The following GUCY2F variants were observed in gnomAD, a reference collection of about 807,000 sequenced individuals.
The protein encoded by GUCY2F is guanylate cyclase 2F, retinal.
A neutral mutation model predicts 73.1 loss-of-function variants in GUCY2F; 61 were observed. That is an observed-to-expected ratio of 0.83 (90% CI 0.68 to 1.03). GUCY2F has a LOEUF of 1.03. Among genes scored for constraint, GUCY2F ranks in the 50% least tolerant of loss-of-function variants. The pLI, the probability that GUCY2F is intolerant of heterozygous loss-of-function variation, is 0.00. For missense variants in GUCY2F, 912 were observed against 854.3 expected, an observed-to-expected ratio of 1.07 and a Z score of -0.84; for synonymous variants, 331 against 307.8, an observed-to-expected ratio of 1.08 and a Z score of -0.79.
intron 10 of GUCY2F, among the ~76,000 whole-genome samples, chrX:109,402,038 G>A (rs1482737397): frequency 9.0e-6 from 1 of 111,623 alleles, no homozygotes; most frequent in Non-Finnish European, 1.9e-5. Context: ...AAAGGAATTT[G>A]ATCTTTATCC....
intron 3 of GUCY2F, among the ~76,000 whole-genome samples, chrX:109,462,258 G>A (rs188191583): frequency 8.8e-6 from 1 of 113,220 alleles, no homozygotes; most frequent in African/African-American, 3.2e-5. Flanking sequence ...AAATGTCTAA[G>A]TAACTTGCCG....
At chrX:109,405,220 GT>G (rs1439121643) in intron 9 of GUCY2F, among the ~76,000 whole-genome samples, 56 of 112,253 alleles carry the variant, frequency 5.0e-4, no homozygotes, top group Non-Finnish European at 8.8e-4. Flanking sequence ...AAAGTCATCT[GT>G]AATGCATATA....
chrX:109,465,928 C>A (rs1261236484), intron 2 of GUCY2F, among the ~76,000 whole-genome samples: 1 of 111,824 alleles, frequency 8.9e-6, no homozygotes, highest in Non-Finnish European at 1.9e-5. Context: ...CTACTATATA[C>A]CTAAGAATTA....
intron 1 of GUCY2F, among the ~76,000 whole-genome samples, chrX:109,479,146 G>A (rs1392499016): frequency 9.0e-6 from 1 of 111,386 alleles, no homozygotes; most frequent in Non-Finnish European, 1.9e-5. Flanking sequence ...CACAGCTGGG[G>A]GTGGGGAGCA....
intron 3 of GUCY2F, among the ~76,000 whole-genome samples, chrX:109,455,689 T>C (rs1322389066): frequency 9.0e-6 from 1 of 111,428 alleles, no homozygotes; most frequent in Non-Finnish European, 1.9e-5. Context: ...AGCTCAGTCC[T>C]TGGTCCTCTT....
chrX:109,447,231 T>C (rs753349459), intron 6 of GUCY2F, among the ~76,000 whole-genome samples: 1 of 111,395 alleles, frequency 9.0e-6, no homozygotes, highest in South Asian at 3.8e-4. Flanking sequence ...TCCTCAAGGA[T>C]CTAGAACTAG....
At chrX:109,476,872 C>CAT (rs1385295261) in intron 1 of GUCY2F, among the ~76,000 whole-genome samples, 3 of 109,122 alleles carry the variant, frequency 2.7e-5, no homozygotes, top group Non-Finnish European at 5.7e-5. Flanking sequence ...TGTGTGTATA[C>CAT]ATATATATAT....
At chrX:109,481,094 GGAAGGAAGGA>G (rs1226262277) in intron 1 of GUCY2F, among the ~76,000 whole-genome samples, 51 of 80,090 alleles carry the variant, frequency 6.4e-4, no homozygotes, top group African/African-American at 2.4e-3. Context: ...AAGGAAGGAA[GGAAGGAAGGA>G]AGGGAGGGAG....
At chrX:109,454,112 A>G (rs1055449899) in intron 3 of GUCY2F, among the ~76,000 whole-genome samples, 13 of 111,914 alleles carry the variant, frequency 1.2e-4, no homozygotes, top group Non-Finnish European at 2.1e-4. Context: ...CAAGTCATAC[A>G]TAATATATTT....
chrX:109,388,011 A>G (rs1569355527), intron 15 of GUCY2F, among the ~76,000 whole-genome samples: 1 of 110,400 alleles, frequency 9.1e-6, no homozygotes, highest in Non-Finnish European at 1.9e-5. Context: ...GATGTCATTC[A>G]TTTTTTTAAA....
intron 7 of GUCY2F, among the ~76,000 whole-genome samples, chrX:109,438,636 G>A (rs1176391136): frequency 8.9e-6 from 1 of 112,959 alleles, no homozygotes; most frequent in Non-Finnish European, 1.9e-5. Context: ...GGTGGGTGTT[G>A]GGCCCCCAAG....
chrX:109,426,506 A>G (rs1931490569), intron 8 of GUCY2F, among the ~76,000 whole-genome samples: 1 of 112,229 alleles, frequency 8.9e-6, no homozygotes. Flanking sequence ...CTCCTGTCTC[A>G]GCCTCCTGAG....
At chrX:109,438,124 A>G (rs1342111124) in intron 7 of GUCY2F, among the ~76,000 whole-genome samples, 2 of 112,386 alleles carry the variant, frequency 1.8e-5, no homozygotes, top group African/African-American at 6.5e-5. Context: ...GTAATTTATA[A>G]AGAGAGGAAT....
At chrX:109,440,724 A>G (rs146632041) in intron 7 of GUCY2F, among the ~76,000 whole-genome samples, 69 of 112,084 alleles carry the variant, frequency 6.2e-4, no homozygotes, top group African/African-American at 2.2e-3. Context: ...CTCTGATGCA[A>G]GATTTGTTCT....
intron 14 of GUCY2F, among the ~76,000 whole-genome samples, chrX:109,391,427 C>T (rs1410800370): frequency 9.0e-6 from 1 of 111,122 alleles, no homozygotes; most frequent in Non-Finnish European, 1.9e-5. Flanking sequence ...AAGTTCTCTC[C>T]ATATAAAACA....
chrX:109,439,887 C>T (rs2147272099), intron 7 of GUCY2F, among the ~76,000 whole-genome samples: 1 of 111,924 alleles, frequency 8.9e-6, no homozygotes, highest in East Asian at 2.8e-4. Context: ...GCTTTCCATA[C>T]AGTTCATCTC....
At chrX:109,478,804 G>T (rs186929969) in intron 1 of GUCY2F, among the ~76,000 whole-genome samples, 26 of 112,683 alleles carry the variant, frequency 2.3e-4, no homozygotes, top group African/African-American at 8.0e-4. Flanking sequence ...TTGCCTAAGG[G>T]CAAACCACGG....
chrX:109,392,188 C>A (rs1930582047), intron 13 of GUCY2F, 85 bp from the exon 14 acceptor site: 2 of 630,138 alleles, frequency 3.2e-6, no homozygotes, highest in African/African-American at 2.2e-5. Flanking sequence ...CCAAATAAAC[C>A]TCTAAAAATC....
intron 11 of GUCY2F, among the ~76,000 whole-genome samples, chrX:109,396,349 GA>G (rs142080328): frequency 0.097 from 9,857 of 101,332 alleles, 1,071 homozygotes; most frequent in African/African-American, 0.3. Context: ...CTGGCAGCAG[GA>G]AAAAAAAAAA....
Sources: allele counts gnomAD v4.1 joint callset (sites outside exome capture counted in the v4.1 genomes callset), GRCh38; gene constraint gnomAD v4.1.1; transcripts MANE v1.5; gene names NCBI Gene and HGNC (gene_info 2026-07-23, HGNC 2026-07-21).